Variants in HECW1 observed in about 807,000 individuals in gnomAD.
HECW1 encodes HECT, C2 and WW domain containing E3 ubiquitin protein ligase 1.
Under a neutral mutation model 182.3 loss-of-function variants are expected in HECW1, and 61 were observed. The ratio of observed to expected loss-of-function variants is 0.33; its 90% confidence interval spans 0.27 to 0.41. The LOEUF (loss-of-function observed/expected upper bound fraction) is 0.41, where lower values mean the gene tolerates loss of function less well. Among genes scored for constraint, HECW1 ranks in the 10% least tolerant of loss-of-function variants. HECW1 has a pLI of 1.00. For synonymous variants in HECW1, 859 were observed against 832.6 expected, an observed-to-expected ratio of 1.03 and a Z score of -0.55; for missense variants, 1,739 against 2,108.9, an observed-to-expected ratio of 0.82 and a Z score of 3.44.
rs2082241700 is a variant in HECW1 at position 43,562,694 on chromosome 7, C to T, written c.*768C>T. 4.5e-6 allele frequency: 1 copy of T among 224,144 alleles called. No individual in the cohort carries two copies. Among genetic ancestry groups the T allele is most frequent in the Non-Finnish European group, 8.9e-6 (1 of 112,164 alleles). 13.9% of individuals were successfully genotyped at this position (224,144 alleles called of 1,614,324 possible). ...GAGCATCCCTAGTGAATACTCACAC[C>T]ACAAGAAGGACAAACTTGTGCACAT... On this transcript the variant is annotated 3_prime_UTR_variant, in exon 30 of 30. Transcript: ENST00000395891.
At chr7:43,426,015 G>T (rs2076352971) in intron 8 of HECW1, among the ~76,000 whole-genome samples, 1 of 152,150 alleles carries the variant, frequency 6.6e-6, no homozygotes, top group South Asian at 2.1e-4. Flanking sequence ...TCTCTGCAAG[G>T]ATTATGGCTG....
chr7:43,292,729 A>T (rs990421993), intron 3 of HECW1, among the ~76,000 whole-genome samples: 1 of 152,160 alleles, frequency 6.6e-6, no homozygotes, highest in Non-Finnish European at 1.5e-5. Flanking sequence ...CTCTGAAGTT[A>T]TGCATGTGAG....
At chr7:43,441,534 A>C (rs1355922399) in intron 9 of HECW1, among the ~76,000 whole-genome samples, 1 of 146,196 alleles carries the variant, frequency 6.8e-6, no homozygotes, top group Non-Finnish European at 1.5e-5. Flanking sequence ...GGCCAAGGAC[A>C]TCCGTGTCTT....
chr7:43,173,879 T>A (rs550657235), intron 2 of HECW1, among the ~76,000 whole-genome samples: 16 of 151,952 alleles, frequency 1.1e-4, no homozygotes, highest in Non-Finnish European at 2.4e-4. Flanking sequence ...GGTATCACTC[T>A]GTTAGTCTGG....
chr7:43,219,354 G>C (rs767584598), intron 2 of HECW1, among the ~76,000 whole-genome samples: 1 of 152,024 alleles, frequency 6.6e-6, no homozygotes, highest in African/African-American at 2.4e-5. Context: ...ACTTTCCAAG[G>C]ACCCCTTTTC....
At chr7:43,461,080 T>G (rs2077566463) in intron 13 of HECW1, among the ~76,000 whole-genome samples, 1 of 152,256 alleles carries the variant, frequency 6.6e-6, no homozygotes, top group African/African-American at 2.4e-5. Context: ...TGAGTAAAAC[T>G]ACACCAAACG....
chr7:43,497,127 A>G (rs955924868), intron 19 of HECW1, among the ~76,000 whole-genome samples: 6 of 152,206 alleles, frequency 3.9e-5, no homozygotes, highest in African/African-American at 1.4e-4. Context: ...CTTACATCCT[A>G]AACAGAACAC....
At chr7:43,164,317 A>G (rs1030573839) in intron 2 of HECW1, among the ~76,000 whole-genome samples, 7 of 152,246 alleles carry the variant, frequency 4.6e-5, no homozygotes, top group Admixed American at 1.3e-4. Flanking sequence ...CTTTCAAAAA[A>G]TTAAAGCAGC....
chr7:43,515,562 C>G (rs1464112165), intron 24 of HECW1, among the ~76,000 whole-genome samples: 3 of 152,200 alleles, frequency 2.0e-5, no homozygotes, highest in Non-Finnish European at 4.4e-5. Flanking sequence ...AAGTATATGA[C>G]AGGCTAAATA....
intron 7 of HECW1, among the ~76,000 whole-genome samples, chr7:43,402,374 C>T (rs2075454534): frequency 6.6e-6 from 1 of 152,182 alleles, no homozygotes; most frequent in South Asian, 2.1e-4. Context: ...CTGCATGCTC[C>T]CTCTCCCATA....
Position 43,433,945 on chromosome 7 carries a change from A to C in HECW1, c.802-4058A>C, listed in dbSNP as rs534249462. On this transcript the variant is annotated intron_variant, in intron 8 of 29. Coordinates refer to ENST00000395891, the MANE Select transcript of HECW1 (RefSeq NM_015052.5). Reference sequence around the variant, plus strand: ...AAGGATGCCCAGGATTGGCTTTGTCATTTCCACACTGGTTTTCTTTCACTG... The same window carrying C: ...AAGGATGCCCAGGATTGGCTTTGTCCTTTCCACACTGGTTTTCTTTCACTG... 2.0e-5 allele frequency among the ~76,000 whole-genome samples: 3 copies of C among 152,332 alleles called. No individual in the cohort carries two copies. In the South Asian group the frequency reaches 6.2e-4, roughly 32 times the overall value.
chr7:43,133,259 T>A (rs2152623106), intron 2 of HECW1, among the ~76,000 whole-genome samples: 1 of 151,876 alleles, frequency 6.6e-6, no homozygotes, highest in Non-Finnish European at 1.5e-5. Flanking sequence ...CATTTATATA[T>A]AAATGAATAA....
intron 2 of HECW1, among the ~76,000 whole-genome samples, chr7:43,197,387 G>A (rs980540333): frequency 2.6e-5 from 4 of 152,060 alleles, no homozygotes; most frequent in African/African-American, 7.2e-5. Flanking sequence ...GAAAGGCTCC[G>A]CTGCCCTAGA....
At chr7:43,511,443 C>T (rs2079867552) in intron 24 of HECW1, 3 of 152,268 alleles carry the variant, frequency 2.0e-5, no homozygotes, top group African/African-American at 7.2e-5. Context: ...CGAGAGTCCT[C>T]AGCCTGGCAT....
chr7:43,185,972 G>T (rs1485941174), intron 2 of HECW1, among the ~76,000 whole-genome samples: 1 of 152,160 alleles, frequency 6.6e-6, no homozygotes, highest in African/African-American at 2.4e-5. Flanking sequence ...TGGGATATGG[G>T]TTAGGTTGTA....
At chr7:43,331,948 C>T (rs1456335885) in intron 5 of HECW1, among the ~76,000 whole-genome samples, 1 of 152,080 alleles carries the variant, frequency 6.6e-6, no homozygotes, top group Non-Finnish European at 1.5e-5. Flanking sequence ...CAACAGGATC[C>T]AGAGAACAGT....
Position 43,550,473 on chromosome 7 carries a change from G to C in HECW1, c.4277G>C (p.Gly1426Ala), listed in dbSNP as rs955256667. 3.1e-6 allele frequency: 5 copies of C among 1,614,032 alleles called. No individual in the cohort carries two copies. The highest frequency in any genetic ancestry group is 4.2e-6 in the Non-Finnish European group (5 of 1,180,026). The part of the protein sequence containing the change: ...QVTERELKSG[G>A]ANTQVTEKNK... Reference sequence around the variant, plus strand: ...ACGGAAAGGGAGTTGAAGTCTGGAGGAGCCAACACACAGGTGACGGAGAAA... The same window carrying C: ...ACGGAAAGGGAGTTGAAGTCTGGAGCAGCCAACACACAGGTGACGGAGAAA... Residue 1426 changes from glycine (G) to alanine (A), a missense_variant, in exon 27 of 30, where the codon GGA becomes GCA. Gly to Ala is a moderately conservative substitution (Grantham distance 60, BLOSUM62 0). Around this residue, in one of 5 missense-constraint regions of HECW1, gnomAD observed 420 missense variants for 595.7 expected, o/e 0.71. Coordinates refer to ENST00000395891, the MANE Select transcript of HECW1 (RefSeq NM_015052.5).
intron 13 of HECW1, among the ~76,000 whole-genome samples, chr7:43,457,410 A>G (rs1187555187): frequency 6.6e-6 from 1 of 152,254 alleles, no homozygotes; most frequent in Non-Finnish European, 1.5e-5. Flanking sequence ...ACCTACTGAT[A>G]GCAAATGCCT....
intron 2 of HECW1, among the ~76,000 whole-genome samples, chr7:43,195,097 A>T (rs1398861785): frequency 6.6e-6 from 1 of 152,188 alleles, no homozygotes; most frequent in African/African-American, 2.4e-5. Flanking sequence ...ACCTACTGCC[A>T]CAAGTATGAT....
Sources: allele counts gnomAD v4.1 joint callset (sites outside exome capture counted in the v4.1 genomes callset), GRCh38; gene constraint gnomAD v4.1.1; regional missense constraint gnomAD v4.1.1; transcripts MANE v1.5; gene names NCBI Gene and HGNC (gene_info 2026-07-23, HGNC 2026-07-21).